Variants in FAAP100 observed in about 807,000 individuals in gnomAD.
FAAP100 encodes the protein FA core complex associated protein 100.
A neutral mutation model predicts 65.8 loss-of-function variants in FAAP100; 46 were observed. The observed-to-expected ratio is 0.70, with a 90% CI of 0.55 to 0.89. The LOEUF is 0.89. Ranked by LOEUF, FAAP100 falls within the 40% of genes least tolerant of loss-of-function variation. FAAP100 has a pLI of 0.00. For synonymous variants in FAAP100, 663 were observed against 555.1 expected (o/e 1.19, Z -2.73); for missense variants, 1,165 against 1,196.7 (o/e 0.97, Z 0.39).
intron 2 of FAAP100, chr17:81,551,719 G>A: frequency 7.5e-7 from 1 of 1,339,914 alleles, no homozygotes; most frequent in Non-Finnish European, 9.5e-7. Flanking sequence ...TTAACCATGT[G>A]AACCCCACTT....
In FAAP100 at chr17:81,550,468, G is replaced by A; in HGVS notation, c.1026C>T (p.Cys342=). ...CAGCGCAGAGCACAGGGCCTGGGAG[G>A]CAGTACTCCCGCAGCTCGGGCACCA... is the stretch of plus-strand genomic sequence containing the variant. ...GKLVPELREY[C]LPGPVLCAAC... is the part of the protein sequence containing the mutation. Residue 342 remains cysteine (C), a synonymous_variant, in exon 3 of 9, where the codon TGC becomes TGT. Transcript: ENST00000327787. The A allele has an allele frequency of 6.2e-7, 1 of 1,612,516 alleles. No homozygotes were observed. The highest frequency in any genetic ancestry group is 8.5e-7 in the Non-Finnish European group (1 of 1,179,794).
intron 6 of FAAP100, 106 bp downstream of exon 6, chr17:81,545,640 C>T (rs1018433199): frequency 3.4e-5 from 48 of 1,407,080 alleles, no homozygotes; most frequent in Non-Finnish European, 4.3e-5. Flanking sequence ...TGGGAAAAGG[C>T]TGCCAGGCCC....
Position 81,547,367 on chromosome 17 carries a change from A to G in FAAP100, c.1715T>C (p.Leu572Pro). ...AITYTIPVDQLGPGARREVTL... is the reference protein window; with the variant it reads ...AITYTIPVDQPGPGARREVTL... The stretch of plus-strand genomic sequence containing the variant: ...CACCTCCCGCCGAGCACCGGGGCCG[A>G]GCTGGTCCACGGGGATGGTGTAGGT... Residue 572 changes from leucine (L) to proline (P), a missense_variant, in exon 5 of 9, where the codon CTC becomes CCC. By Grantham distance (98) the Leu-to-Pro change is moderately conservative. Transcript: ENST00000327787. 6.2e-7 allele frequency: 1 copy of G among 1,612,848 alleles called. No homozygotes were observed. Among genetic ancestry groups the G allele is most frequent in the Non-Finnish European group, 8.5e-7 (1 of 1,179,966 alleles).
chr17:81,551,366 A>C (rs975480550), intron 2 of FAAP100, among the ~76,000 whole-genome samples, 163 bp from the exon 3 acceptor site: 1 of 152,210 alleles, frequency 6.6e-6, no homozygotes, highest in Non-Finnish European at 1.5e-5. Flanking sequence ...TTCCCCACGA[A>C]GGATACTCTT....
Position 81,540,090 on chromosome 17 carries a change from G to A in FAAP100, c.*729C>T. The A allele has an allele frequency of 5.0e-6, 2 of 398,490 alleles. No homozygotes were observed. The highest frequency in any genetic ancestry group is 4.4e-6 in the Non-Finnish European group (1 of 225,906). 24.7% of individuals were successfully genotyped at this position (398,490 alleles called of 1,614,324 possible). A position where few individuals can be genotyped will look rare whatever the true frequency, so the allele number is the denominator to read the frequency against. On this transcript the variant is annotated 3_prime_UTR_variant, in exon 9 of 9. Transcript: ENST00000327787. ...GCTCAGGGCCCCCCCCCGGGCCACA[G>A]CGCCACCCTGAGTGGCCCTGAAAAT...
chr17:81,548,369 C>T (rs891514388), intron 4 of FAAP100: 4 of 250,612 alleles, frequency 1.6e-5, no homozygotes, highest in Admixed American at 4.8e-5. Flanking sequence ...GGGGCAGTCC[C>T]GGCTTATCTT....
At chr17:81,552,458 G>T, upstream of FAAP100, 1 of 911,192 alleles carries the variant, frequency 1.1e-6, no homozygotes, top group Non-Finnish European at 1.4e-6. Context: ...GCCGGGGGCG[G>T]GCCGGAAAGG....
At chr17:81,551,658 G>A (rs1236317053) in intron 2 of FAAP100, 6 of 1,293,012 alleles carry the variant, frequency 4.6e-6, no homozygotes, top group Non-Finnish European at 5.9e-6. Flanking sequence ...TCACCAGACA[G>A]CACCGGGCCA....
In FAAP100 at chr17:81,550,961, T is replaced by C. The variant is rs1211638985; in HGVS notation, c.533A>G (p.Tyr178Cys). ...GQIGEVELSS[Y>C]TPPAGVPGKP... ...TCCTGGGACCCCGGCTGGGGGCGTG[T>C]AGGAGGACAGCTCCACCTCACCGAT... The change falls in exon 3 of 9, where the codon TAC (tyrosine) becomes TGC (cysteine). Residue 178 changes from tyrosine (Y) to cysteine (C), a missense_variant. Physicochemically the swap from Tyr to Cys is radical, Grantham distance 194. Coordinates refer to ENST00000327787, the MANE Select transcript of FAAP100 (RefSeq NM_025161.6). 2 of 1,612,136 alleles carry C rather than the reference T, an allele frequency of 1.2e-6. No individual in the cohort carries two copies. The highest frequency in any genetic ancestry group is 2.2e-5 in the South Asian group (2 of 90,908).
intron 6 of FAAP100, 124 bp downstream of exon 6, chr17:81,545,622 G>C (rs560219638): frequency 7.6e-7 from 1 of 1,321,036 alleles, no homozygotes; most frequent in East Asian, 2.5e-5. Flanking sequence ...AGAGTCCTCC[G>C]GGAAGCTTGG....
chr17:81,552,388 C>G, upstream of FAAP100: 1 of 1,301,702 alleles, frequency 7.7e-7, no homozygotes, highest in Non-Finnish European at 9.7e-7. Context: ...GGCTCCGCCT[C>G]GGAGCGCTTT....
At position 81,550,268 on chromosome 17, in the gene FAAP100, G is replaced by A. The variant is rs746731374; in HGVS notation, c.1226C>T (p.Ala409Val). The A allele has an allele frequency of 3.2e-5, 52 of 1,606,142 alleles. No homozygotes were observed. The highest frequency in any genetic ancestry group is 4.5e-5 in the East Asian group (2 of 44,730). ...LNICSVVSLS[A>V]SPRTHEGGTK... ...CATACCTTCATGCGTCCTGGGAGAC[G>A]CGGACAGCGAGACGACACTGCAGAT... is the stretch of plus-strand genomic sequence containing the variant. The change falls in exon 3 of 9, where the codon GCG becomes GTG. Residue 409 changes from alanine to valine, a missense_variant. Physicochemically the swap from Ala to Val is moderately conservative, Grantham distance 64. Coordinates refer to ENST00000327787, the MANE Select transcript of FAAP100 (RefSeq NM_025161.6).
Position 81,541,199 on chromosome 17 carries a change from C to T in FAAP100, c.2514+110G>A, listed in dbSNP as rs1414002025. ...TTGCCCCAGGCCCATGGGAGCGAAG[C>T]CCATGCGCTGTGAGGACTCTGCGGA... is the stretch of plus-strand genomic sequence containing the variant. On this transcript the variant is annotated intron_variant, in intron 8 of 8. Transcript: ENST00000327787. 5.5e-6 allele frequency: 7 copies of T among 1,282,950 alleles called. No individual in the cohort carries two copies. The East Asian group carries it at 7.3e-5, about 13-fold the overall frequency. The allele number at this position is 1,282,950 out of a possible 1,614,324, so 79.5% of individuals were successfully genotyped here.
At chr17:81,541,082 C>CGGAACCTTAAA in intron 8 of FAAP100, 132 bp from the exon 9 acceptor site, 3 of 1,267,790 alleles carry the variant, frequency 2.4e-6, no homozygotes, top group Non-Finnish European at 3.2e-6. Context: ...AACACTCATC[C>CGGAACCTTAAA]GGAACCTTAA....
Position 81,539,908 on chromosome 17 carries a change from T to C in FAAP100, c.*911A>G. ...CCTGAAGGTTCACGGACAGACAGGG[T>C]CGTTTGTCACAGCAGAGAAGCACCT... On this transcript the variant is annotated 3_prime_UTR_variant, in exon 9 of 9. Transcript: ENST00000327787. 1 of 398,634 alleles carries C rather than the reference T, an allele frequency of 2.5e-6. No homozygotes were observed. Among genetic ancestry groups the C allele is most frequent in the Non-Finnish European group, 4.4e-6 (1 of 226,124 alleles). 24.7% of individuals were successfully genotyped at this position (398,634 alleles called of 1,614,324 possible).
chr17:81,548,376 T>G (rs2033385265), intron 4 of FAAP100: 1 of 238,760 alleles, frequency 4.2e-6, no homozygotes, highest in Non-Finnish European at 8.2e-6. Flanking sequence ...TCCCGGCTTA[T>G]CTTCCAGAGG....
chr17:81,552,832 T>G (rs1598603193), upstream of FAAP100, among the ~76,000 whole-genome samples: 1 of 149,704 alleles, frequency 6.7e-6, no homozygotes, highest in South Asian at 2.2e-4. Context: ...TAGGGATGGG[T>G]CTCTGCCCTG....
At chr17:81,549,041 GAAAAAAAAAAAAAAAAAAAAA>G (rs1163263115) in intron 4 of FAAP100, among the ~76,000 whole-genome samples, 144 bp downstream of exon 4, 4 of 66,314 alleles carry the variant, frequency 6.0e-5, no homozygotes, top group Non-Finnish European at 8.4e-5. Context: ...CTCCGTCTCA[GAAAAAAAAAAAAAAAAAAAAA>G]AAAAAAAAAA....
In FAAP100 at chr17:81,552,193, C is replaced by A; in HGVS notation, c.138G>T (p.Val46=). Residue 46 remains valine, a synonymous_variant, in exon 1 of 9, where the codon GTG becomes GTT. Coordinates refer to ENST00000327787, the MANE Select transcript of FAAP100 (RefSeq NM_025161.6). ...TCAGCAGCCCGCCCTCCTGGTCGTA[C>A]ACGTAGACGAGCTCGCTCCCGGTGG... ...FLSTGSELVY[V]YDQEGGLLTA... 1 of 1,499,250 alleles carries A rather than the reference C, an allele frequency of 6.7e-7. No homozygotes were observed. Among genetic ancestry groups the A allele is most frequent in the Non-Finnish European group, 8.8e-7 (1 of 1,130,948 alleles). 92.9% of individuals were successfully genotyped at this position (1,499,250 alleles called of 1,614,324 possible). A position where few individuals can be genotyped will look rare whatever the true frequency, so the allele number is the denominator to read the frequency against.
Sources: allele counts gnomAD v4.1 joint callset (sites outside exome capture counted in the v4.1 genomes callset), GRCh38; gene constraint gnomAD v4.1.1; transcripts MANE v1.5; gene names NCBI Gene and HGNC (gene_info 2026-07-23, HGNC 2026-07-21).